Variants in C12orf42 observed in about 807,000 individuals in gnomAD.
The protein encoded by C12orf42 is uncharacterized protein C12orf42.
A neutral mutation model predicts 21.6 loss-of-function variants in C12orf42; 25 were observed. The observed-to-expected ratio is 1.16, with a 90% CI of 0.84 to 1.62. The LOEUF (loss-of-function observed/expected upper bound fraction) is 1.62, where lower values mean the gene tolerates loss of function less well. Ranked by LOEUF, C12orf42 falls within the 40% of genes most tolerant of loss-of-function variation. The probability of loss-of-function intolerance (pLI) is 0.00; values close to 1 mark genes in which losing one functional copy is unlikely to be tolerated. For synonymous variants in C12orf42, 174 were observed against 175.0 expected, an observed-to-expected ratio of 0.99 and a Z score of 0.05; for missense variants, 483 against 459.3, an observed-to-expected ratio of 1.05 and a Z score of -0.47.
the C12orf42 span, among the ~76,000 whole-genome samples, chr12:103,098,322 T>C: frequency 6.6e-6 from 1 of 152,120 alleles, no homozygotes; most frequent in African/African-American, 2.4e-5. Context: ...ATGTGTTAAA[T>C]GGAGATAATA....
chr12:103,481,876 TC>T (rs1954498852), intron 1 of C12orf42, among the ~76,000 whole-genome samples: 1 of 151,802 alleles, frequency 6.6e-6, no homozygotes, highest in Non-Finnish European at 1.5e-5. Flanking sequence ...GTTTCTCCCC[TC>T]TACGTCTTGG....
the C12orf42 span, among the ~76,000 whole-genome samples, chr12:103,054,665 G>T: frequency 5.9e-5 from 9 of 151,734 alleles, no homozygotes; most frequent in African/African-American, 2.2e-4. Context: ...AATATTAAGG[G>T]GAATATATTC....
At chr12:103,220,441 T>C in the C12orf42 span, among the ~76,000 whole-genome samples, 1 of 152,010 alleles carries the variant, frequency 6.6e-6, no homozygotes, top group East Asian at 1.9e-4. Context: ...CCAATAAATA[T>C]ATATATTTAC....
chr12:103,316,507 GA>G (rs1210565462), intron 4 of C12orf42, among the ~76,000 whole-genome samples: 1 of 151,962 alleles, frequency 6.6e-6, no homozygotes, highest in Non-Finnish European at 1.5e-5. Context: ...ACATAAAAAA[GA>G]AAAGACTTGG....
chr12:103,277,794 T>C (rs1320984963), intron 4 of C12orf42, among the ~76,000 whole-genome samples: 2 of 152,082 alleles, frequency 1.3e-5, no homozygotes, highest in East Asian at 3.9e-4. Flanking sequence ...TAATTTTTTG[T>C]ATTTTTAGTA....
At chr12:103,445,048 C>T (rs1264742035) in intron 2 of C12orf42, among the ~76,000 whole-genome samples, 1 of 151,964 alleles carries the variant, frequency 6.6e-6, no homozygotes, top group Non-Finnish European at 1.5e-5. Flanking sequence ...TATAAAAAAA[C>T]TGTTACGAAT....
At chr12:103,547,985 A>G in the C12orf42 span, 27 of 152,258 alleles carry the variant, frequency 1.8e-4, no homozygotes, top group Admixed American at 1.7e-3. Context: ...AGACAGTAAG[A>G]TAATCCACTG....
chr12:103,146,207 G>A, the C12orf42 span, among the ~76,000 whole-genome samples: 4 of 151,924 alleles, frequency 2.6e-5, no homozygotes, highest in Non-Finnish European at 5.9e-5. Flanking sequence ...AGGGCTGGGC[G>A]TGGTGGCTCA....
intron 2 of C12orf42, among the ~76,000 whole-genome samples, chr12:103,407,829 A>G (rs7135654): frequency 0.18 from 27,256 of 152,094 alleles, 2,838 homozygotes; most frequent in East Asian, 0.35. Context: ...AGAATTTTGC[A>G]CCCTTTAGAC....
chr12:103,110,991 G>A, the C12orf42 span, among the ~76,000 whole-genome samples: 6 of 152,170 alleles, frequency 3.9e-5, no homozygotes, highest in African/African-American at 1.4e-4. Context: ...GGGCCAGACA[G>A]CACTAGGCAG....
the C12orf42 span, chr12:103,168,082 A>G: frequency 4.4e-6 from 2 of 455,780 alleles, no homozygotes; most frequent in East Asian, 1.4e-4. Context: ...ATTATTGTGG[A>G]TACTTTTATT....
the C12orf42 span, chr12:103,505,411 T>C: frequency 2.8e-6 from 1 of 352,734 alleles, no homozygotes; most frequent in African/African-American, 2.3e-5. Context: ...TGGGTTACAT[T>C]GACTGGTAAC....
At chr12:103,287,298 C>G (rs1223260691) in intron 4 of C12orf42, among the ~76,000 whole-genome samples, 1 of 152,166 alleles carries the variant, frequency 6.6e-6, no homozygotes, top group Non-Finnish European at 1.5e-5. Flanking sequence ...AGACTTGGAA[C>G]CAACCCAAAT....
chr12:103,443,119 C>T (rs1348695072), intron 2 of C12orf42, among the ~76,000 whole-genome samples: 1 of 152,062 alleles, frequency 6.6e-6, no homozygotes, highest in Non-Finnish European at 1.5e-5. Context: ...TGAAATCAAA[C>T]AGCACAAGTT....
chr12:103,392,581 T>C (rs1032980221), intron 3 of C12orf42, among the ~76,000 whole-genome samples: 2 of 150,196 alleles, frequency 1.3e-5, no homozygotes, highest in African/African-American at 2.4e-5. Context: ...TTATTCTTTT[T>C]GATGCAATTT....
chr12:103,259,445 A>G (rs1221095734), intron 10 of C12orf42, among the ~76,000 whole-genome samples: 1 of 151,966 alleles, frequency 6.6e-6, no homozygotes, highest in Non-Finnish European at 1.5e-5. Flanking sequence ...TGCTTGGCTA[A>G]TTTTCGTATT....
chr12:103,189,411 T>C, the C12orf42 span, among the ~76,000 whole-genome samples: 1 of 152,196 alleles, frequency 6.6e-6, no homozygotes, highest in Admixed American at 6.5e-5. Context: ...CTCAAGGAAA[T>C]GTGAGCTGAT....
intron 3 of C12orf42, among the ~76,000 whole-genome samples, chr12:103,401,321 CT>C (rs898894416): frequency 1.3e-5 from 2 of 152,290 alleles, no homozygotes; most frequent in African/African-American, 4.8e-5. Flanking sequence ...GCAAAGACCC[CT>C]AATGCACTGT....
At chr12:103,403,497 T>C (rs1254170866) in intron 2 of C12orf42, among the ~76,000 whole-genome samples, 3 of 152,126 alleles carry the variant, frequency 2.0e-5, no homozygotes, top group Non-Finnish European at 4.4e-5. Context: ...ATTTGATAGA[T>C]GAGGAAACTG....
Sources: gnomAD v4.1 joint callset for allele counts (sites outside exome capture counted in the v4.1 genomes callset) on GRCh38, gnomAD v4.1.1 for gene constraint, MANE v1.5 for transcripts, NCBI Gene and HGNC (gene_info 2026-07-23, HGNC 2026-07-21) for gene names.